Variants in SCN2A observed in about 807,000 individuals in gnomAD.
SCN2A encodes sodium voltage-gated channel alpha subunit 2, also known as sodium channel protein type 2 subunit alpha.
SCN2A carries 20 observed loss-of-function variants against 188.7 expected under a neutral mutation model. The ratio of observed to expected loss-of-function variants is 0.11; its 90% confidence interval spans 0.07 to 0.15. SCN2A has a LOEUF of 0.15. SCN2A is among the 10% of genes least tolerant of loss of function. The probability of loss-of-function intolerance (pLI) is 1.00; values close to 1 mark genes in which losing one functional copy is unlikely to be tolerated. For synonymous variants in SCN2A, 804 were observed against 833.1 expected (o/e 0.97, Z 0.60); for missense variants, 1,278 against 2,445.0 (o/e 0.52, Z 10.07).
intron 1 of SCN2A, among the ~76,000 whole-genome samples, chr2:165,252,992 A>T (rs1354914829): frequency 6.6e-6 from 1 of 152,066 alleles, no homozygotes; most frequent in Non-Finnish European, 1.5e-5. Context: ...AGTTTAGCTT[A>T]TCATTTATGA....
intron 17 of SCN2A, among the ~76,000 whole-genome samples, chr2:165,356,952 G>T (rs1700211450): frequency 6.6e-6 from 1 of 152,144 alleles, no homozygotes; most frequent in Admixed American, 6.5e-5. Context: ...TGGAGGAAGA[G>T]AACTGACCTG....
At chr2:165,379,832 T>C (rs1275886997) in intron 23 of SCN2A, among the ~76,000 whole-genome samples, 1 of 151,688 alleles carries the variant, frequency 6.6e-6, no homozygotes, top group African/African-American at 2.4e-5. Flanking sequence ...GTTAACTGAG[T>C]TGGTTAGAAC....
At chr2:165,338,027 A>G (rs1056064926) in intron 14 of SCN2A, among the ~76,000 whole-genome samples, 2 of 152,166 alleles carry the variant, frequency 1.3e-5, no homozygotes, top group Non-Finnish European at 2.9e-5. Flanking sequence ...GGTAATAAGC[A>G]TAGTACTCTA....
At chr2:165,373,939 G>A (rs1414417575) in intron 21 of SCN2A, among the ~76,000 whole-genome samples, 1 of 151,970 alleles carries the variant, frequency 6.6e-6, no homozygotes, top group African/African-American at 2.4e-5. Context: ...CCTTGTCTCA[G>A]TTGTTTTAGC....
intron 1 of SCN2A, among the ~76,000 whole-genome samples, chr2:165,258,118 G>C (rs561788701): frequency 6.6e-6 from 1 of 152,184 alleles, no homozygotes; most frequent in African/African-American, 2.4e-5. Flanking sequence ...TCTGTAGGTT[G>C]TCAGTTTACT....
Position 165,313,652 on chromosome 2 carries a change from C to G in SCN2A, c.1067C>G (p.Ala356Gly). ...QCPEGYICVKAGRNPNYGYTS... is the reference protein window; with the variant it reads ...QCPEGYICVKGGRNPNYGYTS... ...CCTGAAGGATACATCTGTGTGAAGG[C>G]TGGTAGAAACCCCAACTATGGCTAC... Residue 356 changes from alanine (A) to glycine (G), a missense_variant, in exon 9 of 27, where the codon GCT (alanine) becomes GGT (glycine). Ala to Gly is a moderately conservative substitution (Grantham distance 60). Coordinates refer to ENST00000375437, the MANE Select transcript of SCN2A (RefSeq NM_001040142.2). The G allele has an allele frequency of 6.2e-7, 1 of 1,613,602 alleles. No homozygotes were observed. Among genetic ancestry groups the G allele is most frequent in the Non-Finnish European group, 8.5e-7 (1 of 1,179,610 alleles).
rs535473283 is a variant in SCN2A at position 165,316,896 on chromosome 2, G to A, written c.1671+1138G>A. On this transcript the variant is annotated intron_variant, in intron 11 of 26. Transcript: ENST00000375437. ...TAGAAAAAGTTATTATGATCTTTGA[G>A]TGTCTTGTTCATATTAGGGTTGTTG... 2.6e-5 allele frequency among the ~76,000 whole-genome samples: 4 copies of A among 152,134 alleles called. No homozygotes were observed. The East Asian group carries it at 7.7e-4, about 29-fold the overall frequency.
rs923519390 is a variant in SCN2A at position 165,316,381 on chromosome 2, A to G, written c.1671+623A>G. 1.2e-4 allele frequency among the ~76,000 whole-genome samples: 18 copies of G among 152,336 alleles called. 1 individual carries two copies. The highest frequency in any genetic ancestry group is 3.4e-3 in the Middle Eastern group (1 of 294). Reference sequence around the variant, plus strand: ...TTGCATTTGAAGAATACTGTGATTTATAAACTGCAACAAATATTCACTGGA... The same window carrying G: ...TTGCATTTGAAGAATACTGTGATTTGTAAACTGCAACAAATATTCACTGGA... On this transcript the variant is annotated intron_variant, in intron 11 of 26. Coordinates refer to ENST00000375437, the MANE Select transcript of SCN2A (RefSeq NM_001040142.2).
intron 14 of SCN2A, 128 bp from the exon 15 acceptor site, chr2:165,342,168 G>T: frequency 1.3e-6 from 1 of 780,034 alleles, no homozygotes; most frequent in Non-Finnish European, 2.1e-6. Context: ...ATACTAAGTT[G>T]TTGGACCTAA....
At chr2:165,319,590 A>C (rs537565516) in intron 11 of SCN2A, among the ~76,000 whole-genome samples, 2 of 152,332 alleles carry the variant, frequency 1.3e-5, no homozygotes, top group African/African-American at 4.8e-5. Flanking sequence ...TTGGACTTAC[A>C]GTTCCATGTG....
rs559874713 is a variant in SCN2A at position 165,250,937 on chromosome 2, A to C, written c.-52+11297A>C. On this transcript the variant is annotated intron_variant, in intron 1 of 26. Transcript: ENST00000375437. ...ATTTCTGACCTTAATTGACTCAACCAAAAAAATCTGCTTATTATTAAAGAC... is the reference window on the plus strand; with the variant it reads ...ATTTCTGACCTTAATTGACTCAACCCAAAAAATCTGCTTATTATTAAAGAC... Among the ~76,000 whole-genome samples the C allele has an allele frequency of 1.1e-4, 17 of 152,148 alleles. No individual in the cohort carries two copies. In the South Asian group the frequency reaches 3.5e-3, roughly 32 times the overall value.
intron 16 of SCN2A, among the ~76,000 whole-genome samples, chr2:165,347,611 C>T (rs1239415666): frequency 1.3e-5 from 2 of 152,034 alleles, no homozygotes; most frequent in African/African-American, 4.8e-5. Context: ...AAAAAATTAA[C>T]CATACCCAAC....
At chr2:165,272,787 C>G (rs1695160511) in intron 1 of SCN2A, 1 of 151,334 alleles carries the variant, frequency 6.6e-6, no homozygotes, top group Non-Finnish European at 1.5e-5. Context: ...CACACACACA[C>G]ACACACACAC....
chr2:165,306,143 C>A (rs1697115704), intron 3 of SCN2A, among the ~76,000 whole-genome samples: 2 of 152,110 alleles, frequency 1.3e-5, no homozygotes, highest in Admixed American at 6.6e-5. Flanking sequence ...CATTGTGATG[C>A]TGTCTCTTCT....
intron 16 of SCN2A, among the ~76,000 whole-genome samples, chr2:165,353,503 A>C (rs2105335608): frequency 6.6e-6 from 1 of 152,342 alleles, no homozygotes; most frequent in East Asian, 1.9e-4. Flanking sequence ...TGTTACAGAT[A>C]AATACCTGAG....
At chr2:165,249,449 C>G (rs1574434027) in intron 1 of SCN2A, among the ~76,000 whole-genome samples, 1 of 151,976 alleles carries the variant, frequency 6.6e-6, no homozygotes, top group Non-Finnish European at 1.5e-5. Context: ...TAATTATGCT[C>G]TTTTTTTAAA....
At chr2:165,315,183 T>C (rs1221888931) in intron 10 of SCN2A, among the ~76,000 whole-genome samples, 2 of 152,204 alleles carry the variant, frequency 1.3e-5, no homozygotes, top group African/African-American at 2.4e-5. Flanking sequence ...ATAGAACATG[T>C]TATTATGATC....
At chr2:165,347,546 C>G (rs572856059) in intron 16 of SCN2A, among the ~76,000 whole-genome samples, 1 of 151,990 alleles carries the variant, frequency 6.6e-6, no homozygotes, top group Non-Finnish European at 1.5e-5. Context: ...ATGTATGTAA[C>G]AAATCTGCAT....
rs140320823 is a variant in SCN2A, at chr2:165,304,811, A to C, written c.387-3037A>C. Among the ~76,000 whole-genome samples, 26 of 152,310 alleles carry C rather than the reference A, an allele frequency of 1.7e-4. No individual in the cohort carries two copies. The East Asian group carries it at 4.6e-3, about 27-fold the overall frequency. Reference sequence around the variant, plus strand: ...ATGCAATGAAGAGAAAAGAAAATGAAACTGGAGAAGTAGACAGGGATCAGA... The same window carrying C: ...ATGCAATGAAGAGAAAAGAAAATGACACTGGAGAAGTAGACAGGGATCAGA... On this transcript the variant is annotated intron_variant, in intron 3 of 26. Transcript: ENST00000375437.
Sources: allele counts gnomAD v4.1 joint callset (sites outside exome capture counted in the v4.1 genomes callset), GRCh38; gene constraint gnomAD v4.1.1; transcripts MANE v1.5; gene names NCBI Gene and HGNC (gene_info 2026-07-23, HGNC 2026-07-21).